CAP2: variants seen among roughly 807,000 people sequenced by gnomAD.
CAP2 encodes the protein cyclase associated actin cytoskeleton regulatory protein 2, also known as adenylyl cyclase-associated protein 2.
CAP2 carries 24 observed loss-of-function variants against 57.7 expected under a neutral mutation model. That is an observed-to-expected ratio of 0.42 (90% confidence interval 0.30 to 0.58). CAP2 has a LOEUF of 0.58. Ranked by LOEUF, CAP2 falls within the 20% of genes least tolerant of loss-of-function variation. CAP2 has a pLI of 0.22. For synonymous variants in CAP2, 194 were observed against 207.2 expected, an observed-to-expected ratio of 0.94 and a Z score of 0.55; for missense variants, 501 against 590.3, an observed-to-expected ratio of 0.85 and a Z score of 1.57.
rs1762200741 is a variant in CAP2, at chr6:17,513,310, TCA to T, written c.531-538_531-537del. 6.6e-6 allele frequency among the ~76,000 whole-genome samples: 1 copy of T among 152,150 alleles called. No individual in the cohort carries two copies. Among genetic ancestry groups the T allele is most frequent in the Admixed American group, 6.6e-5 (1 of 15,264 alleles). On this transcript the variant is annotated intron_variant, in intron 6 of 12. Coordinates refer to ENST00000229922, the MANE Select transcript of CAP2 (RefSeq NM_006366.3). This position sits in a 1 kb window ranked among gnomAD's most constrained non-coding sequence, Gnocchi z 4.3. ...AGGGGTGTTACCTGTTTGTAAGAGA[TCA>T]ATTTTCTTCCTATACCAACTTCTTT...
At position 17,426,611 on chromosome 6, in the gene CAP2, C is replaced by G. The variant is rs1021491167; in HGVS notation, c.143C>G (p.Ala48Gly). 2 of 1,613,772 alleles carry G rather than the reference C, an allele frequency of 1.2e-6. No individual in the cohort carries two copies. Reference sequence around the variant, plus strand: ...CAAGGTGTGGCACCCTCCGTGGAAGCCTTTGACAAGCTGATGGACAGTATG... The same window carrying G: ...CAAGGTGTGGCACCCTCCGTGGAAGGCTTTGACAAGCTGATGGACAGTATG... ...VIAGVAPSVE[A>G]FDKLMDSMVA... The change falls in exon 3 of 13, where the codon GCC (alanine) becomes GGC (glycine). Residue 48 changes from alanine to glycine, a missense_variant. Transcript: ENST00000229922.
intron 4 of CAP2, among the ~76,000 whole-genome samples, chr6:17,500,509 A>G (rs918581372): frequency 4.7e-5 from 7 of 150,446 alleles, no homozygotes; most frequent in Non-Finnish European, 1.0e-4. Context: ...ACTGTTCCTG[A>G]TTTGGATAAC....
intron 1 of CAP2, among the ~76,000 whole-genome samples, chr6:17,414,596 A>C (rs1314603073): frequency 3.3e-5 from 5 of 152,092 alleles, no homozygotes; most frequent in Admixed American, 1.3e-4. Flanking sequence ...ATTCCTTTTT[A>C]CGGCTGCATA....
chr6:17,458,766 GCCC>G, intron 3 of CAP2, among the ~76,000 whole-genome samples: 1 of 151,876 alleles, frequency 6.6e-6, no homozygotes, highest in East Asian at 1.9e-4. Context: ...GATAGAAACT[GCCC>G]ATAAACAGAT....
At position 17,556,521 on chromosome 6, in the gene CAP2, T is replaced by G. The variant is rs1763319465; in HGVS notation, c.*79T>G. ...AAAAGCAGCAGTAAAGAGCTAGAAGTTGCAGTAGCCCCTACTGCTTTAGCT... is the reference window on the plus strand; with the variant it reads ...AAAAGCAGCAGTAAAGAGCTAGAAGGTGCAGTAGCCCCTACTGCTTTAGCT... On this transcript the variant is annotated 3_prime_UTR_variant, in exon 13 of 13. Transcript: ENST00000229922. The G allele has an allele frequency of 3.0e-6, 3 of 1,001,812 alleles. No homozygotes were observed. The highest frequency in any genetic ancestry group is 4.8e-6 in the Non-Finnish European group (3 of 623,754). The allele number at this position is 1,001,812 out of a possible 1,614,324, so 62.1% of individuals were successfully genotyped here. A position where few individuals can be genotyped will look rare whatever the true frequency, so the allele number is the denominator to read the frequency against.
chr6:17,519,320 A>C (rs964951061), intron 7 of CAP2, among the ~76,000 whole-genome samples: 2 of 143,586 alleles, frequency 1.4e-5, no homozygotes, highest in African/African-American at 5.0e-5. Context: ...ATTTGAAGAG[A>C]GTCTACGTGT....
intron 12 of CAP2, among the ~76,000 whole-genome samples, chr6:17,555,099 C>T (rs1233981125): frequency 6.6e-6 from 1 of 152,202 alleles, no homozygotes; most frequent in African/African-American, 2.4e-5. Flanking sequence ...GCAGCATTGG[C>T]ATCACCTGGG....
chr6:17,486,921 A>G (rs143676716), intron 4 of CAP2, among the ~76,000 whole-genome samples: 2,250 of 152,268 alleles, frequency 0.015, 58 homozygotes, highest in African/African-American at 0.05. Context: ...CAGCCACTGC[A>G]GAGGACTCAG....
intron 2 of CAP2, among the ~76,000 whole-genome samples, chr6:17,425,208 T>A (rs1429538178): frequency 1.3e-5 from 2 of 152,248 alleles, no homozygotes; most frequent in Non-Finnish European, 2.9e-5. Flanking sequence ...AGAGTTTTCA[T>A]AGTTTCTCAG....
intron 3 of CAP2, among the ~76,000 whole-genome samples, chr6:17,441,015 G>A (rs1251667092): frequency 6.6e-6 from 1 of 151,348 alleles, no homozygotes; most frequent in East Asian, 1.9e-4. Context: ...CTTTTTTATG[G>A]CTGCATAGTA....
At chr6:17,418,775 G>C (rs751104621) in intron 1 of CAP2, among the ~76,000 whole-genome samples, 2 of 152,142 alleles carry the variant, frequency 1.3e-5, no homozygotes, top group Non-Finnish European at 2.9e-5. Context: ...TAAAAGATTT[G>C]AGGGGCTTTC....
At chr6:17,512,187 C>T (rs531323765) in intron 6 of CAP2, among the ~76,000 whole-genome samples, 4 of 152,008 alleles carry the variant, frequency 2.6e-5, no homozygotes, top group African/African-American at 7.2e-5. Context: ...GCCAGGAGTT[C>T]GAGACCAGCC....
At chr6:17,421,726 T>C (rs764079311) in intron 2 of CAP2, 50 bp downstream of exon 2, 4 of 1,606,690 alleles carry the variant, frequency 2.5e-6, no homozygotes, top group Middle Eastern at 1.7e-4. Context: ...GGTTACTTCA[T>C]TTTGTTTCCA....
Position 17,556,633 on chromosome 6 carries a change from G to T in CAP2, c.*191G>T. 1 of 539,454 alleles carries T rather than the reference G, an allele frequency of 1.9e-6. No homozygotes were observed. The highest frequency in any genetic ancestry group is 3.3e-6 in the Non-Finnish European group (1 of 300,800). The allele number at this position is 539,454 out of a possible 1,614,324, so 33.4% of individuals were successfully genotyped here. Reference sequence around the variant, plus strand: ...TTTGAAATATTTAACGTTTCCTCATGATTTGCCTTTGTGTGTGATTTTAGT... The same window carrying T: ...TTTGAAATATTTAACGTTTCCTCATTATTTGCCTTTGTGTGTGATTTTAGT... On this transcript the variant is annotated 3_prime_UTR_variant, in exon 13 of 13. Coordinates refer to ENST00000229922, the MANE Select transcript of CAP2 (RefSeq NM_006366.3).
At chr6:17,522,266 C>T (rs1035139260) in intron 7 of CAP2, among the ~76,000 whole-genome samples, 1 of 152,098 alleles carries the variant, frequency 6.6e-6, no homozygotes, top group African/African-American at 2.4e-5. Flanking sequence ...TAAGTTGGGC[C>T]AAAGGAGTTG....
chr6:17,419,501 A>G (rs1356104993), intron 1 of CAP2, among the ~76,000 whole-genome samples: 1 of 152,220 alleles, frequency 6.6e-6, no homozygotes, highest in Non-Finnish European at 1.5e-5. Context: ...GGTGGCTATA[A>G]GCTAGATCTC....
At chr6:17,526,353 G>C (rs1419558927) in intron 7 of CAP2, among the ~76,000 whole-genome samples, 9 of 151,834 alleles carry the variant, frequency 5.9e-5, no homozygotes, top group Admixed American at 5.9e-4. Context: ...CCTGACCTCA[G>C]GTGATCCAAC....
At chr6:17,507,486 T>C (rs1356014384) in intron 5 of CAP2, among the ~76,000 whole-genome samples, 155 bp from the exon 6 acceptor site, 3 of 152,250 alleles carry the variant, frequency 2.0e-5, no homozygotes, top group Non-Finnish European at 4.4e-5. Flanking sequence ...TCTGAGATAC[T>C]GTAGAAAGTG....
chr6:17,478,308 T>C (rs1010937131), intron 4 of CAP2, among the ~76,000 whole-genome samples: 1 of 147,880 alleles, frequency 6.8e-6, no homozygotes, highest in African/African-American at 2.5e-5. Flanking sequence ...TTTTTTTTTT[T>C]TTTTTTTTTG....
Sources: gnomAD v4.1 joint callset for allele counts (sites outside exome capture counted in the v4.1 genomes callset) on GRCh38, gnomAD v4.1.1 for gene constraint, Gnocchi (gnomAD v3.1) non-coding constraint, MANE v1.5 for transcripts, NCBI Gene and HGNC (gene_info 2026-07-23, HGNC 2026-07-21) for gene names.